The following FBXL13 variants were observed in gnomAD, a reference collection of about 807,000 sequenced individuals.
FBXL13 encodes the protein F-box and leucine rich repeat protein 13.
A neutral mutation model predicts 83.6 loss-of-function variants in FBXL13; 67 were observed. That is an observed-to-expected ratio of 0.80 (90% confidence interval 0.66 to 0.98). The LOEUF (loss-of-function observed/expected upper bound fraction) is 0.98. FBXL13 is among the 50% of genes least tolerant of loss of function. FBXL13 has a pLI of 0.00. For missense variants in FBXL13, 822 were observed against 866.5 expected (o/e 0.95, Z 0.64); for synonymous variants, 272 against 299.5 (o/e 0.91, Z 0.95).
At chr7:102,858,567 A>C (rs1251865479) in intron 16 of FBXL13, among the ~76,000 whole-genome samples, 1 of 152,266 alleles carries the variant, frequency 6.6e-6, no homozygotes, top group Admixed American at 6.5e-5. Context: ...TGTGTCAACT[A>C]AAAATAAAAG....
exon 19 of FBXL13, chr7:102,822,111 G>A: frequency 1.2e-6 from 2 of 1,614,198 alleles, no homozygotes; most frequent in Non-Finnish European, 1.7e-6. Flanking sequence ...GGTCCTCAAG[G>A]ATTTGGTCAG....
intron 7 of FBXL13, among the ~76,000 whole-genome samples, chr7:102,965,003 T>C (rs1046647623): frequency 1.1e-4 from 16 of 152,164 alleles, no homozygotes; most frequent in East Asian, 1.9e-4. Flanking sequence ...TGCTCTCTGA[T>C]TGGCTGATTC....
chr7:102,973,771 GGT>G lies in FBXL13; in HGVS notation c.496-5656_496-5655del, dbSNP rs755219626. On this transcript the variant is annotated intron_variant, in intron 6 of 19. Coordinates refer to ENST00000313221, the Ensembl canonical transcript of FBXL13. ...ACATCAGTCACTGATCTCACCTACT[GGT>G]AAGTTTCCCGGGAGCCCGGTTAACA... 2.2e-4 allele frequency: 170 copies of G among 764,164 alleles called. 1 individual carries two copies. The African/African-American group carries it at 2.6e-3, about 12-fold the overall frequency. The allele number at this position is 764,164 out of a possible 1,614,324, so 47.3% of individuals were successfully genotyped here.
intron 16 of FBXL13, among the ~76,000 whole-genome samples, chr7:102,860,136 T>C (rs1019058472): frequency 4.6e-5 from 7 of 152,230 alleles, no homozygotes; most frequent in Admixed American, 3.9e-4. Flanking sequence ...CTAAGGAATC[T>C]GGACTTCATC....
intron 14 of FBXL13, among the ~76,000 whole-genome samples, chr7:102,879,739 C>T (rs1388175765): frequency 1.3e-5 from 2 of 152,118 alleles, no homozygotes; most frequent in Non-Finnish European, 2.9e-5. Flanking sequence ...CCAAGTCTCT[C>T]TCTGTCGCCC....
intron 6 of FBXL13, chr7:102,973,647 T>A (rs761472901): frequency 3.9e-6 from 3 of 766,132 alleles, no homozygotes; most frequent in African/African-American, 1.7e-5. Context: ...GGGGCTCCGG[T>A]CTTCGTCCCC....
chr7:102,814,012 CTA>C (rs1286035584), intron 19 of FBXL13, among the ~76,000 whole-genome samples: 13 of 151,958 alleles, frequency 8.6e-5, no homozygotes, highest in Non-Finnish European at 1.6e-4. Context: ...GCAGTTTTGT[CTA>C]TAATACACAT....
chr7:103,072,934 T>G (rs1799120454), intron 1 of FBXL13, among the ~76,000 whole-genome samples: 1 of 152,226 alleles, frequency 6.6e-6, no homozygotes, highest in Non-Finnish European at 1.5e-5. Flanking sequence ...CCAGACGAAG[T>G]CAACTTGGTT....
chr7:102,827,361 A>G (rs974269393), intron 18 of FBXL13, among the ~76,000 whole-genome samples: 4 of 152,176 alleles, frequency 2.6e-5, no homozygotes, highest in African/African-American at 7.2e-5. Context: ...AGAACCACAC[A>G]GCCAAAACCA....
intron 2 of FBXL13, among the ~76,000 whole-genome samples, chr7:103,043,575 G>A (rs536329954): frequency 6.6e-6 from 1 of 152,322 alleles, no homozygotes; most frequent in East Asian, 1.9e-4. Context: ...CTAATGGCAT[G>A]ATCTCAGCTC....
intron 2 of FBXL13, among the ~76,000 whole-genome samples, chr7:103,039,095 A>G (rs553055573): frequency 6.6e-6 from 1 of 152,346 alleles, no homozygotes; most frequent in African/African-American, 2.4e-5. Context: ...ATGAATGGCT[A>G]ACTAGAATGA....
chr7:102,827,544 A>T (rs552841381), intron 18 of FBXL13, among the ~76,000 whole-genome samples: 2 of 151,904 alleles, frequency 1.3e-5, no homozygotes, highest in Non-Finnish European at 2.9e-5. Context: ...TTTTTTTTAT[A>T]CTTTAAGTTT....
chr7:103,038,204 G>T (rs1010812960), intron 2 of FBXL13, among the ~76,000 whole-genome samples: 3 of 152,228 alleles, frequency 2.0e-5, no homozygotes, highest in Non-Finnish European at 4.4e-5. Context: ...CTCACTGCTA[G>T]CGCAGCAGTC....
intron 2 of FBXL13, among the ~76,000 whole-genome samples, chr7:103,041,240 T>C (rs1472322028): frequency 1.3e-5 from 2 of 152,112 alleles, no homozygotes; most frequent in Non-Finnish European, 2.9e-5. Flanking sequence ...AATGGACAAA[T>C]TCCTGGACAC....
At chr7:102,826,765 A>G (rs1454941058) in intron 18 of FBXL13, among the ~76,000 whole-genome samples, 24 of 114,828 alleles carry the variant, frequency 2.1e-4, no homozygotes, top group African/African-American at 6.3e-4. Flanking sequence ...ATATATATAT[A>G]TATATATGTA....
At chr7:102,861,762 ACC>A (rs1339282863) in intron 16 of FBXL13, among the ~76,000 whole-genome samples, 4 of 150,830 alleles carry the variant, frequency 2.7e-5, no homozygotes, top group African/African-American at 2.4e-5. Flanking sequence ...CAGGTGGATC[ACC>A]TGAGGTCAGG....
intron 6 of FBXL13, among the ~76,000 whole-genome samples, chr7:103,004,330 A>G (rs971474684): frequency 6.6e-6 from 1 of 152,152 alleles, no homozygotes; most frequent in African/African-American, 2.4e-5. Flanking sequence ...AGTGTTGCCC[A>G]TCATAGGCTG....
chr7:102,952,125 C>T (rs1188528391), intron 8 of FBXL13, among the ~76,000 whole-genome samples: 5 of 152,064 alleles, frequency 3.3e-5, no homozygotes, highest in East Asian at 3.8e-4. Flanking sequence ...CACTTATATG[C>T]GGCACCTAGA....
chr7:103,038,365 T>G (rs1004695000), intron 2 of FBXL13, among the ~76,000 whole-genome samples: 2 of 152,202 alleles, frequency 1.3e-5, no homozygotes, highest in Non-Finnish European at 2.9e-5. Flanking sequence ...CCTCTATAGA[T>G]TCCACCTCTG....
Sources: allele counts gnomAD v4.1 joint callset (sites outside exome capture counted in the v4.1 genomes callset), GRCh38; gene constraint gnomAD v4.1.1; transcripts MANE v1.5; gene names NCBI Gene and HGNC (gene_info 2026-07-23, HGNC 2026-07-21).